The following DNM3 variants were observed in gnomAD, a reference collection of about 807,000 sequenced individuals.
DNM3 encodes dynamin 3.
In DNM3, 47 loss-of-function variants were observed where a neutral mutation model predicts 101.6. The ratio of observed to expected loss-of-function variants is 0.46; its 90% CI spans 0.37 to 0.59. The LOEUF (loss-of-function observed/expected upper bound fraction) is 0.59, where lower values mean the gene tolerates loss of function less well. DNM3 is among the 20% of genes least tolerant of loss of function. The pLI is 0.00. For synonymous variants in DNM3, 385 were observed against 387.9 expected, an observed-to-expected ratio of 0.99 and a Z score of 0.09; for missense variants, 849 against 1,085.7, an observed-to-expected ratio of 0.78 and a Z score of 3.06.
chr1:172,237,425 C>T (rs2061586637), intron 14 of DNM3, among the ~76,000 whole-genome samples: 1 of 152,164 alleles, frequency 6.6e-6, no homozygotes, highest in African/African-American at 2.4e-5. Context: ...CACTTTTCTG[C>T]TGGTCTTACT....
intron 17 of DNM3, among the ~76,000 whole-genome samples, chr1:172,365,922 A>AATAG (rs1307361200): frequency 6.6e-6 from 1 of 152,000 alleles, no homozygotes; most frequent in Non-Finnish European, 1.5e-5. Context: ...ATCAACCTTC[A>AATAG]ATAGATATAC....
chr1:172,234,316 A>C (rs1353566588), intron 14 of DNM3, among the ~76,000 whole-genome samples: 1 of 152,150 alleles, frequency 6.6e-6, no homozygotes, highest in Non-Finnish European at 1.5e-5. Context: ...AATACCTAGG[A>C]ATCCAACTTA....
chr1:171,974,865 A>C (rs1180311156), intron 2 of DNM3, among the ~76,000 whole-genome samples: 4 of 144,322 alleles, frequency 2.8e-5, no homozygotes, highest in African/African-American at 1.1e-4. Context: ...TTCTTCTTCT[A>C]CTGTTTTTTT....
chr1:172,213,844 T>G (rs1168882099), intron 14 of DNM3, among the ~76,000 whole-genome samples: 2 of 151,068 alleles, frequency 1.3e-5, no homozygotes, highest in Non-Finnish European at 3.0e-5. Flanking sequence ...AAAAAAAGCA[T>G]ATTGGCATCA....
intron 15 of DNM3, among the ~76,000 whole-genome samples, chr1:172,258,092 A>G (rs1261791697): frequency 6.6e-6 from 1 of 152,144 alleles, no homozygotes; most frequent in Non-Finnish European, 1.5e-5. Context: ...AGTTCTATCC[A>G]TGTTGCTGCA....
chr1:172,093,529 A>G (rs148820061), intron 13 of DNM3, among the ~76,000 whole-genome samples: 46 of 152,304 alleles, frequency 3.0e-4, no homozygotes, highest in African/African-American at 1.0e-3. Context: ...CAAAACAATG[A>G]TGGTGTTATA....
At chr1:172,068,184 T>C (rs1428105387) in intron 10 of DNM3, among the ~76,000 whole-genome samples, 2 of 152,006 alleles carry the variant, frequency 1.3e-5, no homozygotes, top group Admixed American at 6.6e-5. Flanking sequence ...AAAAATTAGC[T>C]GAGCTTGGTG....
At chr1:172,167,128 T>A (rs1173265743) in intron 14 of DNM3, among the ~76,000 whole-genome samples, 1 of 152,026 alleles carries the variant, frequency 6.6e-6, no homozygotes, top group African/African-American at 2.4e-5. Flanking sequence ...GTCCAAGTGT[T>A]CTCATTGTTC....
At chr1:172,123,138 T>G (rs558350540) in intron 13 of DNM3, among the ~76,000 whole-genome samples, 38 of 152,266 alleles carry the variant, frequency 2.5e-4, no homozygotes, top group African/African-American at 7.5e-4. Context: ...TGTAAAAAAG[T>G]CACTTAGCCA....
intron 17 of DNM3, among the ~76,000 whole-genome samples, chr1:172,355,434 G>C (rs181391573): frequency 1.3e-5 from 2 of 152,256 alleles, no homozygotes; most frequent in Admixed American, 1.3e-4. Flanking sequence ...TGCAGTTATT[G>C]AAATTAAAAT....
chr1:172,194,955 A>G lies in DNM3; in HGVS notation c.1660-58618A>G, dbSNP rs554957463. ...TTAGTTGATGCAGTTTCTTCCTAGT[A>G]TTGATGGTCTCTACCATTTGGCATG... On this transcript the variant is annotated intron_variant, in intron 14 of 20. Coordinates refer to ENST00000627582, the MANE Select transcript of DNM3 (RefSeq NM_015569.5). Among the ~76,000 whole-genome samples, 5 of 152,084 alleles carry G rather than the reference A, an allele frequency of 3.3e-5. No homozygotes were observed. The South Asian group carries it at 1.0e-3, about 32-fold the overall frequency.
At chr1:171,868,858 A>G (rs1181777674) in intron 1 of DNM3, among the ~76,000 whole-genome samples, 1 of 151,888 alleles carries the variant, frequency 6.6e-6, no homozygotes, top group East Asian at 1.9e-4. Flanking sequence ...ATCTTGGCTC[A>G]CTGCAACATC....
rs572223764 is a variant in DNM3 at position 171,935,599 on chromosome 1, G to A, written c.235+13778G>A. Among the ~76,000 whole-genome samples the A allele has an allele frequency of 3.4e-4, 51 of 152,142 alleles. 1 individual carries two copies. The East Asian group carries it at 4.1e-3, about 12-fold the overall frequency. The stretch of plus-strand genomic sequence containing the variant: ...TAAGACAATGGGACAGTTTCAGTGC[G>A]TTGTGGCTTCCTCCAGCGCCATGTT... On this transcript the variant is annotated intron_variant, in intron 2 of 20. Transcript: ENST00000627582.
At chr1:172,238,848 C>G (rs959259773) in intron 14 of DNM3, among the ~76,000 whole-genome samples, 3 of 152,076 alleles carry the variant, frequency 2.0e-5, no homozygotes, top group African/African-American at 7.2e-5. Context: ...ACACCCTTTC[C>G]CACTTTACAG....
intron 2 of DNM3, among the ~76,000 whole-genome samples, chr1:171,984,054 T>C (rs564282716): frequency 6.6e-6 from 1 of 152,310 alleles, no homozygotes; most frequent in South Asian, 2.1e-4. Context: ...CTTTCTCTCA[T>C]ATCGCAGCTT....
intron 11 of DNM3, among the ~76,000 whole-genome samples, chr1:172,073,072 A>G (rs2052333330): frequency 7.1e-6 from 1 of 140,542 alleles, no homozygotes; most frequent in African/African-American, 2.4e-5. Flanking sequence ...CTTGCAGAGA[A>G]GAGAAATATT....
intron 1 of DNM3, among the ~76,000 whole-genome samples, chr1:171,865,943 A>G (rs892706318): frequency 6.6e-6 from 1 of 152,178 alleles, no homozygotes; most frequent in African/African-American, 2.4e-5. Context: ...TAGATTCAGC[A>G]TCTTCCCCAG....
intron 14 of DNM3, among the ~76,000 whole-genome samples, chr1:172,237,740 A>G (rs1349529477): frequency 1.3e-5 from 2 of 152,184 alleles, no homozygotes; most frequent in Non-Finnish European, 2.9e-5. Flanking sequence ...ATTGTTCTAC[A>G]TCAAAAAAGC....
At chr1:171,990,175 T>G (rs1160005038) in intron 4 of DNM3, among the ~76,000 whole-genome samples, 3 of 152,206 alleles carry the variant, frequency 2.0e-5, no homozygotes, top group Non-Finnish European at 2.9e-5. Flanking sequence ...GGTTTTCTTT[T>G]GTAATCTACA....
Sources: gnomAD v4.1 joint callset for allele counts (sites outside exome capture counted in the v4.1 genomes callset) on GRCh38, gnomAD v4.1.1 for gene constraint, MANE v1.5 for transcripts, NCBI Gene and HGNC (gene_info 2026-07-23, HGNC 2026-07-21) for gene names.